The following KLF17 variants were observed in gnomAD, a reference collection of about 807,000 sequenced individuals.
KLF17 encodes Krueppel-like factor 17.
Under a neutral mutation model 34.2 loss-of-function variants are expected in KLF17, and 31 were observed. The ratio of observed to expected loss-of-function variants is 0.91; its 90% CI spans 0.68 to 1.22. KLF17 has a LOEUF of 1.22. Ranked by LOEUF, KLF17 falls within the 50% of genes most tolerant of loss-of-function variation. The pLI, the probability that KLF17 is intolerant of heterozygous loss-of-function variation, is 0.00. For missense variants in KLF17, 478 were observed against 505.2 expected, an observed-to-expected ratio of 0.95 and a Z score of 0.52; for synonymous variants, 179 against 186.7, an observed-to-expected ratio of 0.96 and a Z score of 0.34.
chr1:44,089,382 A>G, the KLF17 span, among the ~76,000 whole-genome samples: 4 of 152,352 alleles, frequency 2.6e-5, no homozygotes, highest in East Asian at 7.7e-4. Context: ...CAACCAACCC[A>G]GCAGGGAGCT....
chr1:44,125,299 G>C (rs550159129), intron 1 of KLF17, among the ~76,000 whole-genome samples: 13 of 152,258 alleles, frequency 8.5e-5, no homozygotes, highest in African/African-American at 3.1e-4. Context: ...CAGTTTTGCC[G>C]TATATAGGAT....
the KLF17 span, chr1:44,103,733 A>G: frequency 7.2e-7 from 1 of 1,383,608 alleles, no homozygotes. Flanking sequence ...TGGCGTTGGC[A>G]CCCTTAACTG....
chr1:44,117,051 A>AC, upstream of KLF17: 1 of 148,532 alleles, frequency 6.7e-6, no homozygotes, highest in African/African-American at 2.5e-5. Flanking sequence ...CTCCCTCCCT[A>AC]CCCCCTTCTG....
At chr1:44,090,721 G>A in the KLF17 span, among the ~76,000 whole-genome samples, 13 of 152,152 alleles carry the variant, frequency 8.5e-5, no homozygotes, top group East Asian at 1.5e-3. Context: ...GAAAAGTCGC[G>A]CTTCTGGGGA....
rs777115264 is a variant in KLF17 at position 44,129,784 on chromosome 1, C to T, written c.513C>T (p.His171=). 1.9e-6 allele frequency: 3 copies of T among 1,614,188 alleles called. No homozygotes were observed. The highest frequency in any genetic ancestry group is 2.5e-6 in the Non-Finnish European group (3 of 1,180,026). The change falls in exon 2 of 4, where the codon CAC becomes CAT. Residue 171 remains histidine, a synonymous_variant. Coordinates refer to ENST00000372299, the MANE Select transcript of KLF17 (RefSeq NM_173484.4). ...SASTGIPIMS[H]TGNPPVPYPG... ...CCACTGGAATCCCAATAATGTCCCA[C>T]ACTGGGAACCCTCCAGTGCCTTACC...
the KLF17 span, chr1:44,104,890 T>TAA: frequency 7.3e-3 from 1,076 of 146,972 alleles, 7 homozygotes; most frequent in African/African-American, 0.023. Flanking sequence ...TATATAAATG[T>TAA]AAAAAAAAAA....
the KLF17 span, among the ~76,000 whole-genome samples, chr1:44,083,793 C>CAAAAAA: frequency 1.9e-5 from 2 of 104,244 alleles, no homozygotes; most frequent in Admixed American, 1.1e-4. Context: ...GACTCTGTCT[C>CAAAAAA]AAAAAAAAAA....
At chr1:44,074,051 CT>C in the KLF17 span, among the ~76,000 whole-genome samples, 1 of 152,088 alleles carries the variant, frequency 6.6e-6, no homozygotes, top group African/African-American at 2.4e-5. Context: ...AAGTGAGTCT[CT>C]TCTCCATGTC....
At chr1:44,059,957 C>A in the KLF17 span, among the ~76,000 whole-genome samples, 1 of 152,112 alleles carries the variant, frequency 6.6e-6, no homozygotes, top group Non-Finnish European at 1.5e-5. Context: ...GAAAACAAGA[C>A]TGTTTGACCA....
At position 44,134,347 on chromosome 1, in the gene KLF17, A is replaced by G. The variant is rs754905025; in HGVS notation, c.*1110A>G. 6.6e-6 allele frequency: 1 copy of G among 152,234 alleles called. No individual in the cohort carries two copies. The highest frequency in any genetic ancestry group is 1.5e-5 in the Non-Finnish European group (1 of 68,076). The allele number at this position is 152,234 out of a possible 1,614,324, so 9.4% of individuals were successfully genotyped here. On this transcript the variant is annotated 3_prime_UTR_variant, in exon 4 of 4. Transcript: ENST00000372299. ...GAGATTCGAGACCAGCCGGGCCAAC[A>G]TGGTGAAACCCCATCTCTACAAAAA...
At chr1:44,061,468 T>G in the KLF17 span, among the ~76,000 whole-genome samples, 1 of 152,174 alleles carries the variant, frequency 6.6e-6, no homozygotes. Context: ...CACCTCTCCC[T>G]AAGACATGCC....
intron 2 of KLF17, 39 bp from the exon 3 acceptor site, chr1:44,130,473 A>C: frequency 1.2e-6 from 2 of 1,612,168 alleles, no homozygotes; most frequent in Non-Finnish European, 1.7e-6. Flanking sequence ...CTTCCTTCCT[A>C]CTGTATTCTA....
the KLF17 span, among the ~76,000 whole-genome samples, chr1:44,067,656 G>C: frequency 3.3e-5 from 5 of 152,218 alleles, no homozygotes; most frequent in Non-Finnish European, 7.3e-5. Flanking sequence ...TTGTACCCCA[G>C]AGAGGGTGCA....
At chr1:44,117,644 C>T (rs1198044904), upstream of KLF17, among the ~76,000 whole-genome samples, 3 of 151,760 alleles carry the variant, frequency 2.0e-5, no homozygotes, top group Non-Finnish European at 2.9e-5. Context: ...TACAGGCACG[C>T]GCCACCACGC....
the KLF17 span, among the ~76,000 whole-genome samples, chr1:44,092,937 T>C: frequency 2.0e-5 from 3 of 151,876 alleles, no homozygotes; most frequent in African/African-American, 7.3e-5. Flanking sequence ...CAAATGGGCA[T>C]CCCCCTGCTC....
the KLF17 span, chr1:44,104,156 G>A: frequency 9.5e-7 from 1 of 1,052,636 alleles, no homozygotes; most frequent in Non-Finnish European, 1.5e-6. Flanking sequence ...GCTCTAACTT[G>A]TTCATGTAAG....
the KLF17 span, among the ~76,000 whole-genome samples, chr1:44,085,807 CAAAAAAAAAAAA>C: frequency 1.6e-5 from 1 of 63,620 alleles, no homozygotes; most frequent in African/African-American, 6.4e-5. Context: ...TCTGTCTCAA[CAAAAAAAAAAAA>C]AAAAAAAAAA....
the KLF17 span, among the ~76,000 whole-genome samples, chr1:44,079,322 A>ATTTTTT: frequency 2.5e-5 from 3 of 120,592 alleles, no homozygotes; most frequent in African/African-American, 1.0e-4. Flanking sequence ...TTTTTTTTTG[A>ATTTTTT]GACAGTCTTG....
At chr1:44,107,394 C>T in the KLF17 span, among the ~76,000 whole-genome samples, 27 of 152,140 alleles carry the variant, frequency 1.8e-4, no homozygotes, top group Non-Finnish European at 3.2e-4. Context: ...TGTGAGCCAC[C>T]GCGCCTGGCT....
Sources: allele counts gnomAD v4.1 joint callset (sites outside exome capture counted in the v4.1 genomes callset), GRCh38; gene constraint gnomAD v4.1.1; transcripts MANE v1.5; gene names NCBI Gene and HGNC (gene_info 2026-07-23, HGNC 2026-07-21).